Variants in PFKP observed in about 807,000 individuals in gnomAD.
PFKP encodes the protein ATP-dependent 6-phosphofructokinase, platelet type.
PFKP carries 101 observed loss-of-function variants against 94.3 expected under a neutral mutation model. The observed-to-expected ratio is 1.07, with a 90% CI of 0.91 to 1.26. PFKP has a LOEUF of 1.26. Ranked by LOEUF, PFKP falls within the 50% of genes most tolerant of loss-of-function variation. The pLI, the probability that PFKP is intolerant of heterozygous loss-of-function variation, is 0.00. For missense variants in PFKP, 1,145 were observed against 1,103.3 expected, an observed-to-expected ratio of 1.04 and a Z score of -0.53; for synonymous variants, 573 against 432.6, an observed-to-expected ratio of 1.32 and a Z score of -4.03.
intron 18 of PFKP, 63 bp downstream of exon 18, chr10:3,132,504 A>G (rs1161308492): frequency 3.0e-5 from 35 of 1,174,154 alleles, no homozygotes; most frequent in Non-Finnish European, 4.1e-5. Context: ...CTTAGATTCT[A>G]GTCTGTGACT....
intron 2 of PFKP, among the ~76,000 whole-genome samples, chr10:3,093,297 C>G (rs1431417949): frequency 6.6e-6 from 1 of 152,182 alleles, no homozygotes; most frequent in Non-Finnish European, 1.5e-5. Flanking sequence ...ACATCCCGTT[C>G]AGTCACATCT....
intron 10 of PFKP, among the ~76,000 whole-genome samples, chr10:3,109,924 T>C (rs1424753885): frequency 6.6e-6 from 1 of 151,254 alleles, no homozygotes; most frequent in Admixed American, 6.6e-5. Flanking sequence ...GAGGCGGGCG[T>C]GAGAGAGATC....
chr10:3,086,657 C>T (rs527237593), intron 2 of PFKP, among the ~76,000 whole-genome samples: 6 of 152,086 alleles, frequency 3.9e-5, no homozygotes, highest in South Asian at 2.1e-4. Context: ...CTAAACCAAG[C>T]GCACACTGTG....
intron 1 of PFKP, among the ~76,000 whole-genome samples, chr10:3,078,250 G>T (rs886881272): frequency 2.1e-5 from 3 of 140,590 alleles, no homozygotes; most frequent in African/African-American, 5.0e-5. Flanking sequence ...CTCATTGCAG[G>T]TGTGCACGTC....
rs151134458 is a variant in PFKP at position 3,130,312 on chromosome 10, C to T, written c.1848+329C>T. On this transcript the variant is annotated intron_variant, in intron 17 of 21. Coordinates refer to ENST00000381125, the MANE Select transcript of PFKP (RefSeq NM_002627.5). ...CGCTGACAGTCACCACCCACGTCTG[C>T]GACAGGCTCTGAAGGTTGCTGCAGC... Among the ~76,000 whole-genome samples the T allele has an allele frequency of 2.5e-3, 376 of 152,330 alleles. 5 individuals are homozygous for T. Among genetic ancestry groups the T allele is most frequent in the African/African-American group, 8.1e-3 (337 of 41,578 alleles).
chr10:3,123,038 C>T (rs998098240), intron 16 of PFKP, among the ~76,000 whole-genome samples: 1 of 152,300 alleles, frequency 6.6e-6, no homozygotes, highest in Non-Finnish European at 1.5e-5. Flanking sequence ...GCGTCCTCGT[C>T]CTCTCTCATG....
intron 17 of PFKP, among the ~76,000 whole-genome samples, 180 bp downstream of exon 17, chr10:3,130,163 G>A (rs1319160296): frequency 5.3e-5 from 8 of 152,242 alleles, no homozygotes; most frequent in African/African-American, 1.4e-4. Flanking sequence ...GTCAGGTGAC[G>A]GTGGGTGTGC....
At chr10:3,125,734 C>G (rs1837878747) in intron 16 of PFKP, among the ~76,000 whole-genome samples, 1 of 152,214 alleles carries the variant, frequency 6.6e-6, no homozygotes, top group Admixed American at 6.5e-5. Context: ...GCGGTTTCAC[C>G]AACATGTGCC....
chr10:3,103,660 C>T (rs769758445), intron 4 of PFKP, 119 bp from the exon 5 acceptor site: 34 of 964,994 alleles, frequency 3.5e-5, no homozygotes, highest in Middle Eastern at 2.2e-4. Context: ...ATACCAATAA[C>T]AAAGAGTTTA....
chr10:3,104,823 G>C, intron 5 of PFKP: 1 of 506,042 alleles, frequency 2.0e-6, no homozygotes. Flanking sequence ...GGGCCGGGGA[G>C]TGTGAGTGTG....
Position 3,112,295 on chromosome 10 carries a change from C to A in PFKP, c.1154+9C>A. 6.2e-7 allele frequency: 1 copy of A among 1,609,960 alleles called. No individual in the cohort carries two copies. Among genetic ancestry groups the A allele is most frequent in the Non-Finnish European group, 8.5e-7 (1 of 1,176,218 alleles). ...GTTCGACTCCGAGGGAGGTGAGGTGCTTTGGAGAAAGCTCTGCCCTGTCAG... is the reference window on the plus strand; with the variant it reads ...GTTCGACTCCGAGGGAGGTGAGGTGATTTGGAGAAAGCTCTGCCCTGTCAG... On this transcript the variant is annotated intron_variant, in intron 11 of 21. Transcript: ENST00000381125.
At chr10:3,076,017 CA>C (rs59102828) in intron 1 of PFKP, among the ~76,000 whole-genome samples, 3,009 of 61,748 alleles carry the variant, frequency 0.049, 72 homozygotes, top group East Asian at 0.31. Flanking sequence ...GACTCCGTCT[CA>C]AAAAAAAAAA....
At chr10:3,068,572 G>T in intron 1 of PFKP, 1 of 670,690 alleles carries the variant, frequency 1.5e-6, no homozygotes, top group Non-Finnish European at 1.8e-6. Context: ...TGTGGAAGCT[G>T]CTCTCTAGGA....
intron 16 of PFKP, among the ~76,000 whole-genome samples, chr10:3,124,641 G>A (rs12762657): frequency 0.028 from 4,328 of 152,312 alleles, 90 homozygotes; most frequent in Middle Eastern, 0.044. Context: ...CGATGAAGGC[G>A]GGCATTTGGT....
chr10:3,108,794 G>T lies in PFKP; in HGVS notation c.963+1G>T. Reference sequence around the variant, plus strand: ...CCCTTCGGCATTCGACAGGATCTTGGTGAGTTGGGAAGGGTTGGGCATCTT... The same window carrying T: ...CCCTTCGGCATTCGACAGGATCTTGTTGAGTTGGGAAGGGTTGGGCATCTT... On this transcript the variant is annotated splice_donor_variant, in intron 9 of 21. Coordinates refer to ENST00000381125, the MANE Select transcript of PFKP (RefSeq NM_002627.5). LOFTEE classifies it high-confidence loss of function. 6.2e-7 allele frequency: 1 copy of T among 1,606,706 alleles called. No individual in the cohort carries two copies. The highest frequency in any genetic ancestry group is 1.7e-4 in the Middle Eastern group (1 of 6,056).
At position 3,113,093 on chromosome 10, in the gene PFKP, G is replaced by T. The variant is rs3816698; in HGVS notation, c.1155-26G>T. On this transcript the variant is annotated intron_variant, in intron 11 of 21. Coordinates refer to ENST00000381125, the MANE Select transcript of PFKP (RefSeq NM_002627.5). ...AGTTGTGTCCGGTATTCTCGACTCC[G>T]GTCCAACGACACCCTTTTCCTTTAG... The T allele has an allele frequency of 2.1e-5, 34 of 1,605,194 alleles. No homozygotes were observed. The African/African-American group carries it at 3.9e-4, about 18-fold the overall frequency.
chr10:3,121,803 CT>C (rs759926178), intron 16 of PFKP, among the ~76,000 whole-genome samples: 989 of 32,610 alleles, frequency 0.03, 43 homozygotes, highest in African/African-American at 0.1. Flanking sequence ...CTTTTTTTTT[CT>C]TTTTTTTTTT....
intron 11 of PFKP, 131 bp from the exon 12 acceptor site, chr10:3,112,988 G>A: frequency 2.6e-6 from 2 of 780,552 alleles, no homozygotes; most frequent in South Asian, 1.6e-5. Context: ...GAACCCTGGG[G>A]CCTCCTCCTT....
intron 1 of PFKP, among the ~76,000 whole-genome samples, chr10:3,079,172 G>A (rs1030859882): frequency 8.5e-5 from 13 of 152,130 alleles, no homozygotes; most frequent in African/African-American, 3.1e-4. Flanking sequence ...CAGCGATTGA[G>A]TTTAGTGCTG....
Sources: gnomAD v4.1 joint callset for allele counts (sites outside exome capture counted in the v4.1 genomes callset) on GRCh38, gnomAD v4.1.1 for gene constraint, MANE v1.5 for transcripts, NCBI Gene and HGNC (gene_info 2026-07-23, HGNC 2026-07-21) for gene names.